Variants in MGAT4C observed in about 807,000 individuals in gnomAD.
MGAT4C encodes the protein alpha-1,3-mannosyl-glycoprotein 4-beta-N-acetylglucosaminyltransferase C.
MGAT4C carries 19 observed loss-of-function variants against 40.1 expected under a neutral mutation model. The ratio of observed to expected loss-of-function variants is 0.47; its 90% CI spans 0.33 to 0.70. The LOEUF is 0.70. Among genes scored for constraint, MGAT4C ranks in the 30% least tolerant of loss-of-function variants. The pLI, the probability that MGAT4C is intolerant of heterozygous loss-of-function variation, is 0.02. For missense variants in MGAT4C, 491 were observed against 563.2 expected (o/e 0.87, Z 1.30); for synonymous variants, 181 against 187.1 (o/e 0.97, Z 0.27).
At chr12:86,794,443 T>A (rs1271993951) in intron 1 of MGAT4C, among the ~76,000 whole-genome samples, 1 of 151,866 alleles carries the variant, frequency 6.6e-6, no homozygotes, top group Non-Finnish European at 1.5e-5. Context: ...ACAGATTTCA[T>A]GCTTCAGTTC....
intron 2 of MGAT4C, among the ~76,000 whole-genome samples, chr12:86,495,675 A>T (rs2136328201): frequency 6.6e-6 from 1 of 152,140 alleles, no homozygotes; most frequent in African/African-American, 2.4e-5. Flanking sequence ...GGATGGTGAA[A>T]CCGGCCTAAT....
intron 2 of MGAT4C, among the ~76,000 whole-genome samples, chr12:86,437,288 A>G (rs1041523960): frequency 5.3e-5 from 8 of 151,828 alleles, no homozygotes; most frequent in African/African-American, 1.4e-4. Context: ...ATTTGTATTT[A>G]TATATACCTA....
intron 2 of MGAT4C, among the ~76,000 whole-genome samples, chr12:86,437,496 T>C (rs1041184567): frequency 6.6e-6 from 1 of 151,910 alleles, no homozygotes; most frequent in Non-Finnish European, 1.5e-5. Context: ...TAACATATCA[T>C]ATTAGTTAAA....
chr12:86,685,144 T>C (rs569142525), intron 2 of MGAT4C, among the ~76,000 whole-genome samples: 6 of 152,324 alleles, frequency 3.9e-5, no homozygotes, highest in East Asian at 1.9e-4. Context: ...GCCTAGGTTT[T>C]CTTCTGTGGT....
At chr12:86,039,185 T>G (rs1038790552) in intron 2 of MGAT4C, among the ~76,000 whole-genome samples, 2 of 152,192 alleles carry the variant, frequency 1.3e-5, no homozygotes, top group Non-Finnish European at 2.9e-5. Context: ...GTGAATCTGA[T>G]GATTATGTGT....
At chr12:86,267,499 CAGAA>C (rs1226122614) in intron 4 of MGAT4C, among the ~76,000 whole-genome samples, 1 of 152,034 alleles carries the variant, frequency 6.6e-6, no homozygotes, top group Non-Finnish European at 1.5e-5. Flanking sequence ...CAAAAACAGA[CAGAA>C]AGAAACAAAG....
At chr12:86,717,775 T>C (rs73391179) in intron 2 of MGAT4C, among the ~76,000 whole-genome samples, 5,903 of 152,250 alleles carry the variant, frequency 0.039, 152 homozygotes, top group Non-Finnish European at 0.048. Context: ...TAATTTTACA[T>C]ACTTATATAT....
intron 2 of MGAT4C, among the ~76,000 whole-genome samples, chr12:86,682,248 A>G (rs1593110323): frequency 6.6e-6 from 1 of 152,192 alleles, no homozygotes; most frequent in East Asian, 1.9e-4. Context: ...AGGAGTTAAT[A>G]TTTATTAAAT....
chr12:86,275,128 T>C (rs957084462), intron 4 of MGAT4C, among the ~76,000 whole-genome samples: 3 of 152,162 alleles, frequency 2.0e-5, no homozygotes, highest in African/African-American at 7.2e-5. Context: ...ATATATACCA[T>C]TCAGAACAAG....
At chr12:86,581,305 C>T (rs1165626980) in intron 2 of MGAT4C, among the ~76,000 whole-genome samples, 2 of 151,320 alleles carry the variant, frequency 1.3e-5, no homozygotes, top group Non-Finnish European at 3.0e-5. Context: ...TAGATAATAG[C>T]CACAGTGGTA....
chr12:86,573,979 C>G (rs1229930771), intron 2 of MGAT4C, among the ~76,000 whole-genome samples: 1 of 151,718 alleles, frequency 6.6e-6, no homozygotes, highest in Non-Finnish European at 1.5e-5. Flanking sequence ...ACACTGACAC[C>G]AGACTTTATA....
intron 2 of MGAT4C, among the ~76,000 whole-genome samples, chr12:86,590,346 CCT>C (rs1485765518): frequency 2.0e-5 from 3 of 151,506 alleles, no homozygotes; most frequent in East Asian, 2.0e-4. Flanking sequence ...TTTCAAAGCC[CCT>C]GTCTTTCTGC....
intron 2 of MGAT4C, among the ~76,000 whole-genome samples, chr12:86,496,991 A>G (rs1958247677): frequency 6.6e-6 from 1 of 152,120 alleles, no homozygotes; most frequent in African/African-American, 2.4e-5. Context: ...AAACTTTATC[A>G]CCTCTATTTA....
At chr12:86,085,833 CAAT>C (rs1871717181) in intron 1 of MGAT4C, among the ~76,000 whole-genome samples, 1 of 152,054 alleles carries the variant, frequency 6.6e-6, no homozygotes, top group Non-Finnish European at 1.5e-5. Context: ...AGCAAAACCA[CAAT>C]GAGATACCAT....
chr12:86,835,038 C>T (rs550946082), intron 1 of MGAT4C, among the ~76,000 whole-genome samples: 5 of 151,842 alleles, frequency 3.3e-5, no homozygotes, highest in East Asian at 1.9e-4. Context: ...TATTTGGAAA[C>T]GTACAAAATT....
intron 3 of MGAT4C, among the ~76,000 whole-genome samples, chr12:86,412,517 T>C (rs2136246906): frequency 6.6e-6 from 1 of 152,308 alleles, no homozygotes; most frequent in Non-Finnish European, 1.5e-5. Context: ...CTGTAGCCCC[T>C]TTGTTTTGGC....
chr12:86,027,969 T>C (rs1028034849), intron 2 of MGAT4C: 1 of 292,846 alleles, frequency 3.4e-6, no homozygotes, highest in Admixed American at 4.7e-5. Flanking sequence ...ACCAACATAA[T>C]ATTGTATTTT....
At chr12:86,341,201 C>T (rs1463766999) in intron 3 of MGAT4C, among the ~76,000 whole-genome samples, 4 of 152,080 alleles carry the variant, frequency 2.6e-5, no homozygotes, top group Non-Finnish European at 5.9e-5. Context: ...GTCAGGGGAT[C>T]CTCCCCAGCC....
rs144279658 is a variant in MGAT4C at position 86,142,717 on chromosome 12, T to G, written c.-56-92994A>C. On this transcript the variant is annotated intron_variant, in intron 1 of 4. Coordinates refer to ENST00000611864, the MANE Select transcript of MGAT4C (RefSeq NM_001351288.2). ...AGGCATTGTGGTCCATTCTTTTTTT[T>G]TTTTGTTTTTTTTGTGGAGGGTTGG... Among the ~76,000 whole-genome samples, 426 of 152,016 alleles carry G rather than the reference T, an allele frequency of 2.8e-3. 2 individuals carry two copies. Among genetic ancestry groups the G allele is most frequent in the African/African-American group, 9.6e-3 (397 of 41,436 alleles).
Sources: gnomAD v4.1 joint callset for allele counts (sites outside exome capture counted in the v4.1 genomes callset) on GRCh38, gnomAD v4.1.1 for gene constraint, MANE v1.5 for transcripts, NCBI Gene and HGNC (gene_info 2026-07-23, HGNC 2026-07-21) for gene names.